LRIG1: variants seen among roughly 807,000 people sequenced by gnomAD.
The protein encoded by LRIG1 is leucine-rich repeats and immunoglobulin-like domains protein 1.
Under a neutral mutation model 99.2 loss-of-function variants are expected in LRIG1, and 48 were observed. That is an observed-to-expected ratio of 0.48 (90% CI 0.38 to 0.62). LRIG1 has a LOEUF of 0.62. Ranked by LOEUF, LRIG1 falls within the 20% of genes least tolerant of loss-of-function variation. LRIG1 has a pLI of 0.00. For missense variants in LRIG1, 1,646 were observed against 1,434.4 expected (o/e 1.15, Z -2.38); for synonymous variants, 772 against 596.1 (o/e 1.29, Z -4.30).
intron 3 of LRIG1, among the ~76,000 whole-genome samples, chr3:66,450,085 T>C (rs1335403508): frequency 6.6e-6 from 1 of 152,150 alleles, no homozygotes; most frequent in Non-Finnish European, 1.5e-5. Context: ...GACGAACTCA[T>C]TGATTAAGCC....
At position 66,379,166 on chromosome 3, in the gene LRIG1, A is replaced by G. The variant is rs1489299938; in HGVS notation, c.*1097T>C. 1 of 152,644 alleles carries G rather than the reference A, an allele frequency of 6.6e-6. No homozygotes were observed. The highest frequency in any genetic ancestry group is 2.4e-5 in the African/African-American group (1 of 41,458). The allele number at this position is 152,644 out of a possible 1,614,324, so 9.5% of individuals were successfully genotyped here. On this transcript the variant is annotated 3_prime_UTR_variant, in exon 19 of 19. Coordinates refer to ENST00000273261, the MANE Select transcript of LRIG1 (RefSeq NM_015541.3). The stretch of plus-strand genomic sequence containing the variant: ...TACTAAATGACACATTGGCACTCAT[A>G]AGATGGTTAGCTACCAGTCTCAAAA...
rs775279103 is a variant in LRIG1, at chr3:66,386,195, G to A, written c.1575C>T (p.Pro525=). The part of the protein sequence containing the change: ...TCSAASSSSS[P]MTFAWKKDNE... ...TGTCTTTCTTCCAGGCAAAGGTCAT[G>A]GGGGAGCTGCTGCTGCTGGCTGCTG... The change falls in exon 13 of 19, where the codon CCC becomes CCT. Residue 525 remains proline (P), a synonymous_variant. Transcript: ENST00000273261. 2.5e-6 allele frequency: 4 copies of A among 1,614,132 alleles called. No homozygotes were observed. The highest frequency in any genetic ancestry group is 2.2e-5 in the East Asian group (1 of 44,874).
At chr3:66,418,775 T>C (rs113162842) in intron 3 of LRIG1, among the ~76,000 whole-genome samples, 89 of 152,260 alleles carry the variant, frequency 5.8e-4, no homozygotes, top group African/African-American at 1.9e-3. Context: ...AAGGACCTCT[T>C]TCCCAGAAGC....
At chr3:66,405,736 C>G in intron 8 of LRIG1, 3 of 1,115,918 alleles carry the variant, frequency 2.7e-6, no homozygotes, top group Non-Finnish European at 1.1e-6. Flanking sequence ...AGGGCCGGCC[C>G]GTGGGCGCCT....
chr3:66,398,867 C>G (rs765329061), intron 10 of LRIG1, 103 bp downstream of exon 10: 42 of 927,524 alleles, frequency 4.5e-5, no homozygotes, highest in Non-Finnish European at 5.7e-5. Flanking sequence ...TTCCAAATAG[C>G]CTGTTTCTCA....
At chr3:66,393,548 G>C (rs567698002) in intron 12 of LRIG1, among the ~76,000 whole-genome samples, 1 of 152,232 alleles carries the variant, frequency 6.6e-6, no homozygotes, top group African/African-American at 2.4e-5. Flanking sequence ...ATGTAAAGCT[G>C]CAAGTGCAGA....
chr3:66,496,430 T>C (rs1349608946), intron 1 of LRIG1, among the ~76,000 whole-genome samples: 1 of 152,182 alleles, frequency 6.6e-6, no homozygotes, highest in Non-Finnish European at 1.5e-5. Context: ...GCCAGAAATC[T>C]CACCTTACTC....
At chr3:66,448,238 T>G (rs1309355750) in intron 3 of LRIG1, among the ~76,000 whole-genome samples, 1 of 152,160 alleles carries the variant, frequency 6.6e-6, no homozygotes, top group Non-Finnish European at 1.5e-5. Context: ...AAAAGCCAGG[T>G]GCAGAGCAAT....
At chr3:66,384,581 T>G (rs1197635596) in intron 13 of LRIG1, among the ~76,000 whole-genome samples, 1 of 151,946 alleles carries the variant, frequency 6.6e-6, no homozygotes, top group Non-Finnish European at 1.5e-5. Context: ...CCATCCACAC[T>G]AGGTAGGCCT....
At chr3:66,420,647 G>A (rs1702777228) in intron 3 of LRIG1, among the ~76,000 whole-genome samples, 1 of 152,236 alleles carries the variant, frequency 6.6e-6, no homozygotes, top group African/African-American at 2.4e-5. Context: ...CTGAATGGAT[G>A]AGCATTGCGG....
chr3:66,379,162 T>C lies in LRIG1; in HGVS notation c.*1101A>G, dbSNP rs1424008316. The C allele has an allele frequency of 6.6e-6, 1 of 152,636 alleles. No homozygotes were observed. Among genetic ancestry groups the C allele is most frequent in the Non-Finnish European group, 1.5e-5 (1 of 68,044 alleles). The allele number at this position is 152,636 out of a possible 1,614,324, so 9.5% of individuals were successfully genotyped here. A position where few individuals can be genotyped will look rare whatever the true frequency, so the allele number is the denominator to read the frequency against. ...GTTTTACTAAATGACACATTGGCAC[T>C]CATAAGATGGTTAGCTACCAGTCTC... On this transcript the variant is annotated 3_prime_UTR_variant, in exon 19 of 19. Coordinates refer to ENST00000273261, the MANE Select transcript of LRIG1 (RefSeq NM_015541.3).
intron 2 of LRIG1, among the ~76,000 whole-genome samples, chr3:66,461,261 C>T (rs9826106): frequency 0.038 from 5,857 of 152,142 alleles, 386 homozygotes; most frequent in African/African-American, 0.13. Flanking sequence ...GCTGAGATCA[C>T]GCCACTGCAC....
intron 3 of LRIG1, among the ~76,000 whole-genome samples, chr3:66,438,422 C>T (rs983617575): frequency 1.2e-4 from 19 of 152,162 alleles, no homozygotes; most frequent in Non-Finnish European, 2.6e-4. Flanking sequence ...GTGTTTTTAA[C>T]CCTGGTTGAG....
chr3:66,384,375 C>A, intron 13 of LRIG1, 103 bp from the exon 14 acceptor site: 2 of 1,242,484 alleles, frequency 1.6e-6, no homozygotes, highest in African/African-American at 3.0e-5. Context: ...AGTGCCAGTT[C>A]ACTTCTTTTC....
intron 3 of LRIG1, among the ~76,000 whole-genome samples, chr3:66,443,353 G>A (rs796568275): frequency 1.4e-5 from 2 of 146,870 alleles, no homozygotes; most frequent in African/African-American, 2.5e-5. Flanking sequence ...GTGAGGGGGC[G>A]GGGGATGAGT....
Position 66,382,392 on chromosome 3 carries a change from G to A in LRIG1, c.2498C>T (p.Thr833Ile), listed in dbSNP as rs1429173148. Reference sequence around the variant, plus strand: ...GCTTGGAACATCTGGTGGCACGACGGTTTCATCTGCAAGGAGACAGAACAA... The same window carrying A: ...GCTTGGAACATCTGGTGGCACGACGATTTCATCTGCAAGGAGACAGAACAA... ...EEYSVTNTDE[T>I]VVPPDVPSYL... The change falls in exon 16 of 19, where the codon ACC (threonine) becomes ATC (isoleucine). Residue 833 changes from threonine (T) to isoleucine (I), a missense_variant. Transcript: ENST00000273261. The A allele has an allele frequency of 1.2e-6, 2 of 1,614,200 alleles. No individual in the cohort carries two copies. Among genetic ancestry groups the A allele is most frequent in the Admixed American group, 1.7e-5 (1 of 60,028 alleles).
intron 2 of LRIG1, among the ~76,000 whole-genome samples, chr3:66,455,217 T>C (rs773265637): frequency 2.6e-5 from 4 of 152,202 alleles, no homozygotes; most frequent in Non-Finnish European, 5.9e-5. Context: ...TGTGCTGAGA[T>C]TACAGGCGTG....
chr3:66,398,656 G>C (rs1230796994), intron 10 of LRIG1, among the ~76,000 whole-genome samples: 1 of 152,242 alleles, frequency 6.6e-6, no homozygotes, highest in Non-Finnish European at 1.5e-5. Flanking sequence ...GTTGGTGGAA[G>C]AGGCAATGAG....
At chr3:66,417,512 A>G in intron 3 of LRIG1, 3 of 483,388 alleles carry the variant, frequency 6.2e-6, no homozygotes, top group East Asian at 7.7e-5. Context: ...TCCAAGGGCA[A>G]CAACACAGCA....
Sources: allele counts gnomAD v4.1 joint callset (sites outside exome capture counted in the v4.1 genomes callset), GRCh38; gene constraint gnomAD v4.1.1; transcripts MANE v1.5; gene names NCBI Gene and HGNC (gene_info 2026-07-23, HGNC 2026-07-21).